The following PRR16 variants were observed in gnomAD, a reference collection of about 807,000 sequenced individuals.
PRR16 encodes proline rich 16.
In PRR16, 6 loss-of-function variants were observed where a neutral mutation model predicts 18.2. The observed-to-expected ratio is 0.33, with a 90% CI of 0.18 to 0.65. PRR16 has a LOEUF of 0.65. Ranked by LOEUF, PRR16 falls within the 30% of genes least tolerant of loss-of-function variation. The probability of loss-of-function intolerance (pLI) is 0.74; values close to 1 mark genes in which losing one functional copy is unlikely to be tolerated. For missense variants in PRR16, 412 were observed against 376.6 expected (o/e 1.09, Z -0.78); for synonymous variants, 151 against 147.8 (o/e 1.02, Z -0.16).
At chr5:120,786,224 A>G in the PRR16 span, among the ~76,000 whole-genome samples, 3 of 151,794 alleles carry the variant, frequency 2.0e-5, no homozygotes, top group African/African-American at 7.2e-5. Context: ...ATAGAGGGAT[A>G]GCAAAACATA....
At chr5:120,783,252 G>A in the PRR16 span, among the ~76,000 whole-genome samples, 3 of 152,172 alleles carry the variant, frequency 2.0e-5, no homozygotes, top group South Asian at 4.1e-4. Flanking sequence ...CATAGTTTGC[G>A]AAGCATGAAA....
At chr5:120,593,842 C>A (rs1210105697) in intron 1 of PRR16, among the ~76,000 whole-genome samples, 1 of 152,024 alleles carries the variant, frequency 6.6e-6, no homozygotes, top group African/African-American at 2.4e-5. Context: ...ACAAGTTTGG[C>A]TCAACATATG....
At chr5:120,619,817 A>G (rs1754629515) in intron 1 of PRR16, among the ~76,000 whole-genome samples, 1 of 152,052 alleles carries the variant, frequency 6.6e-6, no homozygotes, top group African/African-American at 2.4e-5. Flanking sequence ...GCACTGTGCT[A>G]GAAAAAAGAA....
At chr5:120,559,472 G>A (rs1561545792) in intron 1 of PRR16, among the ~76,000 whole-genome samples, 1 of 151,780 alleles carries the variant, frequency 6.6e-6, no homozygotes, top group Admixed American at 6.6e-5. Context: ...CTCTGGATGT[G>A]TGGATTTGTT....
chr5:120,509,260 T>C (rs1273976161), intron 1 of PRR16, among the ~76,000 whole-genome samples: 1 of 152,138 alleles, frequency 6.6e-6, no homozygotes, highest in African/African-American at 2.4e-5. Context: ...TAATCATACA[T>C]CTGTAGGCCA....
intron 1 of PRR16, among the ~76,000 whole-genome samples, chr5:120,651,709 C>A (rs569521205): frequency 2.6e-5 from 4 of 152,140 alleles, no homozygotes; most frequent in Non-Finnish European, 5.9e-5. Context: ...GGTACCAGTA[C>A]CATGCTGCTT....
chr5:120,763,724 T>C, the PRR16 span, among the ~76,000 whole-genome samples: 2 of 151,408 alleles, frequency 1.3e-5, no homozygotes, highest in Non-Finnish European at 2.9e-5. Context: ...CTTCTTCAAT[T>C]TCTTTCATCA....
the PRR16 span, among the ~76,000 whole-genome samples, chr5:120,768,687 A>G: frequency 2.6e-5 from 4 of 151,830 alleles, no homozygotes; most frequent in African/African-American, 9.7e-5. Flanking sequence ...GGTTGCAGTC[A>G]GAGTTGCTGC....
chr5:120,564,230 C>T (rs1360318892), intron 1 of PRR16, among the ~76,000 whole-genome samples: 2 of 152,096 alleles, frequency 1.3e-5, no homozygotes, highest in Non-Finnish European at 2.9e-5. Context: ...AGGGGTGGTA[C>T]AGGCATTCCC....
chr5:120,669,451 A>T (rs1756516099), intron 1 of PRR16, among the ~76,000 whole-genome samples: 1 of 152,070 alleles, frequency 6.6e-6, no homozygotes, highest in Non-Finnish European at 1.5e-5. Context: ...TATGTGAATT[A>T]TTAACATTAG....
intron 1 of PRR16, among the ~76,000 whole-genome samples, chr5:120,557,430 T>TAA (rs1752450616): frequency 6.6e-6 from 1 of 151,946 alleles, no homozygotes; most frequent in South Asian, 2.1e-4. Flanking sequence ...TCTACTTACA[T>TAA]GATATTTGAT....
At chr5:120,683,115 A>G (rs1265481347) in intron 1 of PRR16, among the ~76,000 whole-genome samples, 2 of 152,174 alleles carry the variant, frequency 1.3e-5, no homozygotes, top group Non-Finnish European at 2.9e-5. Context: ...ACAGAAATAC[A>G]GAGTTGAGGA....
chr5:120,778,064 AT>A, the PRR16 span, among the ~76,000 whole-genome samples: 1 of 152,150 alleles, frequency 6.6e-6, no homozygotes, highest in Non-Finnish European at 1.5e-5. Flanking sequence ...ATTAAATACT[AT>A]TTGGGAAATA....
At chr5:120,715,360 G>T in the PRR16 span, among the ~76,000 whole-genome samples, 29,369 of 152,078 alleles carry the variant, frequency 0.19, 3,465 homozygotes, top group Non-Finnish European at 0.25. Context: ...AGTGCTTCAC[G>T]TTTATAGCCC....
intron 1 of PRR16, among the ~76,000 whole-genome samples, chr5:120,565,176 A>T (rs955056885): frequency 1.3e-5 from 2 of 151,820 alleles, no homozygotes; most frequent in Admixed American, 1.3e-4. Flanking sequence ...TTAACCTAAG[A>T]TTACTTAAGC....
At chr5:120,558,030 T>C (rs1752470288) in intron 1 of PRR16, among the ~76,000 whole-genome samples, 1 of 151,840 alleles carries the variant, frequency 6.6e-6, no homozygotes, top group Non-Finnish European at 1.5e-5. Context: ...ATAGTAGGTG[T>C]GTATATTTAT....
chr5:120,735,267 G>A, the PRR16 span, among the ~76,000 whole-genome samples: 33 of 152,242 alleles, frequency 2.2e-4, no homozygotes, highest in Non-Finnish European at 8.8e-5. Flanking sequence ...ATCTGTAGGC[G>A]GACATGTGTG....
chr5:120,507,723 G>A (rs1437600067), intron 1 of PRR16, among the ~76,000 whole-genome samples: 2 of 151,850 alleles, frequency 1.3e-5, no homozygotes, highest in Non-Finnish European at 1.5e-5. Context: ...CTAAGGAAAA[G>A]GCACGCTAGT....
chr5:120,583,531 G>A (rs549789064), intron 1 of PRR16, among the ~76,000 whole-genome samples: 1 of 152,156 alleles, frequency 6.6e-6, no homozygotes, highest in Non-Finnish European at 1.5e-5. Context: ...ATTGGTATTT[G>A]TACTGAGAAA....
Sources: gnomAD v4.1 joint callset for allele counts (sites outside exome capture counted in the v4.1 genomes callset) on GRCh38, gnomAD v4.1.1 for gene constraint, MANE v1.5 for transcripts, NCBI Gene and HGNC (gene_info 2026-07-23, HGNC 2026-07-21) for gene names.